The following PRICKLE2 variants were observed in gnomAD, a reference collection of about 807,000 sequenced individuals.
PRICKLE2 encodes prickle planar cell polarity protein 2, also known as prickle-like protein 2.
A neutral mutation model predicts 81.4 loss-of-function variants in PRICKLE2; 21 were observed. The observed-to-expected ratio is 0.26, with a 90% confidence interval of 0.18 to 0.37. The LOEUF is 0.37. Among genes scored for constraint, PRICKLE2 ranks in the 10% least tolerant of loss-of-function variants. The probability of loss-of-function intolerance (pLI) is 1.00; values close to 1 mark genes in which losing one functional copy is unlikely to be tolerated. For synonymous variants in PRICKLE2, 456 were observed against 421.5 expected (o/e 1.08, Z -1.00); for missense variants, 940 against 1,109.0 (o/e 0.85, Z 2.16).
chr3:64,111,950 G>A (rs1351320397), intron 7 of PRICKLE2, among the ~76,000 whole-genome samples: 3 of 152,168 alleles, frequency 2.0e-5, no homozygotes, highest in African/African-American at 7.2e-5. Flanking sequence ...AGGCAAGAAT[G>A]CACTCATGAC....
At chr3:64,264,745 A>C (rs759390672) in intron 2 of PRICKLE2, among the ~76,000 whole-genome samples, 2 of 152,232 alleles carry the variant, frequency 1.3e-5, no homozygotes, top group Non-Finnish European at 2.9e-5. Context: ...CAAGAGATCA[A>C]ATAGTAGCTG....
chr3:64,258,877 G>T (rs1401187944), intron 2 of PRICKLE2, among the ~76,000 whole-genome samples: 4 of 144,910 alleles, frequency 2.8e-5, no homozygotes, highest in Non-Finnish European at 4.6e-5. Context: ...AAGAAAGAAA[G>T]AAAGAAAGAA....
At chr3:64,253,615 T>C (rs532679141) in intron 2 of PRICKLE2, among the ~76,000 whole-genome samples, 59 of 152,354 alleles carry the variant, frequency 3.9e-4, no homozygotes, top group South Asian at 1.2e-3. Flanking sequence ...GTAGAATACC[T>C]TCGACATGCC....
At position 64,095,645 on chromosome 3, in the gene PRICKLE2, A is replaced by G. The variant is rs2106930305; in HGVS notation, c.*3406T>C. On this transcript the variant is annotated 3_prime_UTR_variant, in exon 8 of 8. Coordinates refer to ENST00000638394, the MANE Select transcript of PRICKLE2 (RefSeq NM_198859.4). ...CAGAAAGCTGCTGCAGAAGGAAGAA[A>G]ACATAATCTTGTTATAGTGCAGGAA... The G allele has an allele frequency of 6.6e-6, 1 of 152,356 alleles. No homozygotes were observed. 9.4% of individuals were successfully genotyped at this position (152,356 alleles called of 1,614,324 possible). A position where few individuals can be genotyped will look rare whatever the true frequency, so the allele number is the denominator to read the frequency against.
chr3:64,099,007 C>T lies in PRICKLE2; in HGVS notation c.*44G>A. ...AAAACAGTGCAAGTTTCTGACTTTA[C>T]ATTCTTAGCTCCCATCTTCTCCCAT... is the stretch of plus-strand genomic sequence containing the variant. On this transcript the variant is annotated 3_prime_UTR_variant, in exon 8 of 8. Transcript: ENST00000638394. This position sits in a 1 kb window ranked among gnomAD's most constrained non-coding sequence, Gnocchi z 4.3. 6.2e-7 allele frequency: 1 copy of T among 1,611,360 alleles called. No individual in the cohort carries two copies. Among genetic ancestry groups the T allele is most frequent in the Non-Finnish European group, 8.5e-7 (1 of 1,177,640 alleles).
chr3:64,238,481 G>A (rs1382608362), intron 2 of PRICKLE2, among the ~76,000 whole-genome samples: 6 of 77,590 alleles, frequency 7.7e-5, no homozygotes, highest in East Asian at 4.0e-4. Flanking sequence ...ACGAGACTCC[G>A]TCTCAAAAAA....
chr3:64,128,918 A>ATT (rs3055735), intron 7 of PRICKLE2, among the ~76,000 whole-genome samples: 25,422 of 149,888 alleles, frequency 0.17, 2,487 homozygotes, highest in Non-Finnish European at 0.23. Flanking sequence ...GGGATTTTTT[A>ATT]TTTTTTTTTT....
intron 7 of PRICKLE2, among the ~76,000 whole-genome samples, chr3:64,132,366 G>C (rs1334152852): frequency 1.3e-5 from 2 of 152,120 alleles, no homozygotes; most frequent in African/African-American, 4.8e-5. Context: ...AAGATCAGAG[G>C]GTAGAAAGTA....
intron 2 of PRICKLE2, among the ~76,000 whole-genome samples, chr3:64,257,563 T>C (rs1301647862): frequency 6.6e-6 from 1 of 152,154 alleles, no homozygotes; most frequent in African/African-American, 2.4e-5. Flanking sequence ...TGGAGTTGTG[T>C]CTTTAGCTGG....
chr3:64,112,489 A>G (rs531217668), intron 7 of PRICKLE2, among the ~76,000 whole-genome samples: 1 of 152,338 alleles, frequency 6.6e-6, no homozygotes, highest in South Asian at 2.1e-4. Flanking sequence ...GGTACAATGG[A>G]CAAGAAGATG....
intron 2 of PRICKLE2, among the ~76,000 whole-genome samples, chr3:64,171,633 A>G (rs1475172148): frequency 6.6e-6 from 1 of 152,214 alleles, no homozygotes; most frequent in Non-Finnish European, 1.5e-5. Flanking sequence ...TGTTGAATGG[A>G]TGCATGCTGT....
At chr3:64,192,804 A>G (rs1195009596) in intron 2 of PRICKLE2, among the ~76,000 whole-genome samples, 1 of 152,206 alleles carries the variant, frequency 6.6e-6, no homozygotes, top group African/African-American at 2.4e-5. Context: ...ATTCTGTGCT[A>G]AAACATAGTT....
chr3:64,135,051 A>G (rs149503789), intron 7 of PRICKLE2, among the ~76,000 whole-genome samples: 193 of 152,318 alleles, frequency 1.3e-3, no homozygotes, highest in African/African-American at 4.4e-3. Flanking sequence ...CCAAAAGCTC[A>G]ATGTCAGAAT....
intron 1 of PRICKLE2, among the ~76,000 whole-genome samples, chr3:64,223,066 G>A (rs1575685650): frequency 6.6e-6 from 1 of 152,278 alleles, no homozygotes; most frequent in East Asian, 1.9e-4. Context: ...GAATCATTTG[G>A]ATATAACAGT....
chr3:64,260,434 T>C (rs2079599474), intron 2 of PRICKLE2, among the ~76,000 whole-genome samples: 1 of 152,244 alleles, frequency 6.6e-6, no homozygotes, highest in South Asian at 2.1e-4. Flanking sequence ...ACAACAACAG[T>C]TCTTGCCCAT....
At chr3:64,214,311 C>G (rs946720647) in intron 1 of PRICKLE2, among the ~76,000 whole-genome samples, 1 of 152,096 alleles carries the variant, frequency 6.6e-6, no homozygotes, top group African/African-American at 2.4e-5. Flanking sequence ...AGTGGACTTG[C>G]GAAACAAGAG....
intron 2 of PRICKLE2, among the ~76,000 whole-genome samples, chr3:64,242,794 C>T (rs928307502): frequency 2.0e-5 from 3 of 152,202 alleles, no homozygotes; most frequent in Non-Finnish European, 4.4e-5. Context: ...GTGCACCCTG[C>T]CAGCATTAAT....
intron 2 of PRICKLE2, among the ~76,000 whole-genome samples, chr3:64,266,195 G>A (rs1293912860): frequency 7.3e-5 from 7 of 95,658 alleles, no homozygotes; most frequent in East Asian, 2.9e-4. Flanking sequence ...AGCCTCCACC[G>A]CAAAAGAAAA....
At chr3:64,229,893 CAT>C (rs935705118), upstream of PRICKLE2, among the ~76,000 whole-genome samples, 3 of 152,188 alleles carry the variant, frequency 2.0e-5, no homozygotes, top group African/African-American at 7.2e-5. Context: ...GATGCAGTAA[CAT>C]ATGATCCCAG....
Sources: allele counts gnomAD v4.1 joint callset (sites outside exome capture counted in the v4.1 genomes callset), GRCh38; gene constraint gnomAD v4.1.1; non-coding constraint Gnocchi (gnomAD v3.1); transcripts MANE v1.5; gene names NCBI Gene and HGNC (gene_info 2026-07-23, HGNC 2026-07-21).